Variants in RBBP4 observed in about 807,000 individuals in gnomAD.
The protein encoded by RBBP4 is RB binding protein 4, chromatin remodeling factor.
In RBBP4, 3 loss-of-function variants were observed where a neutral mutation model predicts 57.2. That is an observed-to-expected ratio of 0.05 (90% CI 0.02 to 0.14). The LOEUF (loss-of-function observed/expected upper bound fraction) is 0.14, where lower values mean the gene tolerates loss of function less well. RBBP4 is among the 10% of genes least tolerant of loss of function. The probability of loss-of-function intolerance (pLI) is 1.00; values close to 1 mark genes in which losing one functional copy is unlikely to be tolerated. For missense variants in RBBP4, 107 were observed against 520.6 expected (o/e 0.21, Z 7.73); for synonymous variants, 151 against 171.5 (o/e 0.88, Z 0.93).
At chr1:32,659,125 A>G (rs1486168740) in intron 3 of RBBP4, among the ~76,000 whole-genome samples, 2 of 147,650 alleles carry the variant, frequency 1.4e-5, no homozygotes, top group African/African-American at 4.9e-5. Context: ...TAATTTATAT[A>G]TACATATAAA....
intron 2 of RBBP4, among the ~76,000 whole-genome samples, chr1:32,655,099 CT>C (rs754807605): frequency 2.0e-5 from 3 of 152,140 alleles, no homozygotes; most frequent in Non-Finnish European, 4.4e-5. Context: ...AGGAATCCTC[CT>C]GCCTCAGCCT....
chr1:32,663,430 GTATTA>G (rs1483651949), intron 3 of RBBP4, among the ~76,000 whole-genome samples: 1 of 151,968 alleles, frequency 6.6e-6, no homozygotes, highest in Non-Finnish European at 1.5e-5. Context: ...TATTTATTTT[GTATTA>G]TATTACTATA....
intron 8 of RBBP4, among the ~76,000 whole-genome samples, chr1:32,670,844 T>C (rs1024340715): frequency 2.0e-5 from 3 of 152,220 alleles, no homozygotes; most frequent in Non-Finnish European, 4.4e-5. Context: ...TTCTGGTGTG[T>C]GAAGGTGGCG....
In RBBP4 at chr1:32,681,816, G is replaced by A. The variant is rs773484710; in HGVS notation, c.*2111G>A. 1 of 1,614,084 alleles carries A rather than the reference G, an allele frequency of 6.2e-7. No individual in the cohort carries two copies. The highest frequency in any genetic ancestry group is 8.5e-7 in the Non-Finnish European group (1 of 1,180,004). On this transcript the variant is annotated 3_prime_UTR_variant, in exon 12 of 12. Transcript: ENST00000373493. ...GTGATCCTTTGCTAAGAAGTTTTTT[G>A]CTGTTTCCGGGTTACAGATTTGGCC...
chr1:32,660,672 C>T (rs1217838906), intron 3 of RBBP4, among the ~76,000 whole-genome samples: 1 of 151,774 alleles, frequency 6.6e-6, no homozygotes, highest in Non-Finnish European at 1.5e-5. Context: ...CACCTCAGAC[C>T]TCCCATTCAA....
chr1:32,656,202 T>C (rs965044922), intron 2 of RBBP4, among the ~76,000 whole-genome samples: 1 of 152,186 alleles, frequency 6.6e-6, no homozygotes, highest in Non-Finnish European at 1.5e-5. Context: ...TATTTTTTTC[T>C]TTTTTGAGAC....
At chr1:32,662,133 CT>C in intron 3 of RBBP4, 1 of 236,148 alleles carries the variant, frequency 4.2e-6, no homozygotes, top group South Asian at 3.8e-5. Context: ...ATCTGCTAGC[CT>C]TGGCCTCCCA....
intron 2 of RBBP4, among the ~76,000 whole-genome samples, chr1:32,657,122 G>A (rs1383476719): frequency 6.6e-6 from 1 of 151,908 alleles, no homozygotes; most frequent in Non-Finnish European, 1.5e-5. Flanking sequence ...CTAAAAATAC[G>A]AAAATCAGCC....
chr1:32,674,313 A>AC (rs767310453), intron 11 of RBBP4, among the ~76,000 whole-genome samples: 2 of 151,896 alleles, frequency 1.3e-5, no homozygotes, highest in Non-Finnish European at 2.9e-5. Context: ...AGCTCACTGC[A>AC]GCCTCCAATT....
chr1:32,673,211 G>C (rs973472425), intron 11 of RBBP4, among the ~76,000 whole-genome samples: 1 of 151,966 alleles, frequency 6.6e-6, no homozygotes, highest in African/African-American at 2.4e-5. Flanking sequence ...GAAAACTCAA[G>C]AATTTTCCAT....
At position 32,681,805 on chromosome 1, in the gene RBBP4, AG is replaced by A; in HGVS notation, c.*2101del. On this transcript the variant is annotated 3_prime_UTR_variant, in exon 12 of 12. Coordinates refer to ENST00000373493, the MANE Select transcript of RBBP4 (RefSeq NM_005610.3). ...AAGGGTACTTAGTGATCCTTTGCTA[AG>A]AAGTTTTTTGCTGTTTCCGGGTTAC... 1 of 1,614,172 alleles carries A rather than the reference AG, an allele frequency of 6.2e-7. No individual in the cohort carries two copies. The highest frequency in any genetic ancestry group is 8.5e-7 in the Non-Finnish European group (1 of 1,180,020).
chr1:32,661,120 AT>A (rs1397507311), intron 3 of RBBP4, among the ~76,000 whole-genome samples: 3 of 151,984 alleles, frequency 2.0e-5, no homozygotes, highest in African/African-American at 7.3e-5. Flanking sequence ...AGCCAAAAAA[AT>A]TTTTTTATTC....
chr1:32,652,220 A>G lies in RBBP4; in HGVS notation c.164+159A>G, dbSNP rs1264187666. 3 of 825,496 alleles carry G rather than the reference A, an allele frequency of 3.6e-6. No individual in the cohort carries two copies. The Admixed American group carries it at 8.7e-5, about 24-fold the overall frequency. 51.1% of individuals were successfully genotyped at this position (825,496 alleles called of 1,614,324 possible). A position where few individuals can be genotyped will look rare whatever the true frequency, so the allele number is the denominator to read the frequency against. ...CCACAAAGTAAGGCAAAATAACAAA[A>G]TGATTTTGTAACTTACCTGACAAGA... On this transcript the variant is annotated intron_variant, in intron 2 of 11. Coordinates refer to ENST00000373493, the MANE Select transcript of RBBP4 (RefSeq NM_005610.3).
In RBBP4 at chr1:32,683,714, A is replaced by C; in HGVS notation, c.*4009A>C. ...TGTATTGTGATCTTGACTCACTGCA[A>C]CCTCTGCCTCCTGGTTCAAGCGATT... On this transcript the variant is annotated 3_prime_UTR_variant, in exon 12 of 12. Coordinates refer to ENST00000373493, the MANE Select transcript of RBBP4 (RefSeq NM_005610.3). 3.2e-6 allele frequency: 1 copy of C among 309,058 alleles called. No individual in the cohort carries two copies. Among genetic ancestry groups the C allele is most frequent in the South Asian group, 3.6e-5 (1 of 27,560 alleles). 19.1% of individuals were successfully genotyped at this position (309,058 alleles called of 1,614,324 possible). A position where few individuals can be genotyped will look rare whatever the true frequency, so the allele number is the denominator to read the frequency against.
At chr1:32,674,437 T>C (rs1373814700) in intron 11 of RBBP4, among the ~76,000 whole-genome samples, 1 of 152,158 alleles carries the variant, frequency 6.6e-6, no homozygotes, top group African/African-American at 2.4e-5. Flanking sequence ...GTTTGCCATG[T>C]TGGCCAGTCT....
chr1:32,678,303 T>C (rs1649202769), intron 11 of RBBP4, among the ~76,000 whole-genome samples: 2 of 151,792 alleles, frequency 1.3e-5, no homozygotes, highest in South Asian at 4.2e-4. Flanking sequence ...CTTGGCTCAC[T>C]GCAACCTCCG....
At chr1:32,651,416 G>A in intron 1 of RBBP4, 94 bp downstream of exon 1, 1 of 1,382,950 alleles carries the variant, frequency 7.2e-7, no homozygotes. Context: ...GCCCGAGTTT[G>A]CCGAGTGCAG....
intron 11 of RBBP4, among the ~76,000 whole-genome samples, chr1:32,678,781 A>G (rs1649241283): frequency 6.7e-6 from 1 of 150,224 alleles, no homozygotes; most frequent in South Asian, 2.1e-4. Context: ...GTAGAGATGC[A>G]GTTTCGCCTT....
In RBBP4 at chr1:32,683,930, G is replaced by A; in HGVS notation, c.*4225G>A. On this transcript the variant is annotated 3_prime_UTR_variant, in exon 12 of 12. Transcript: ENST00000373493. ...TTACAGGCGTGAGCCACCCCGTCCG[G>A]CCTGTTTTTAAGGCATTAATTAGTA... The A allele has an allele frequency of 1.4e-6, 2 of 1,438,550 alleles. No individual in the cohort carries two copies. Among genetic ancestry groups the A allele is most frequent in the Non-Finnish European group, 1.9e-6 (2 of 1,029,032 alleles). 89.1% of individuals were successfully genotyped at this position (1,438,550 alleles called of 1,614,324 possible). A position where few individuals can be genotyped will look rare whatever the true frequency, so the allele number is the denominator to read the frequency against.
Sources: allele counts gnomAD v4.1 joint callset (sites outside exome capture counted in the v4.1 genomes callset), GRCh38; gene constraint gnomAD v4.1.1; transcripts MANE v1.5; gene names NCBI Gene and HGNC (gene_info 2026-07-23, HGNC 2026-07-21).